The following SIL1 variants were observed in gnomAD, a reference collection of about 807,000 sequenced individuals.
SIL1 encodes nucleotide exchange factor SIL1.
Under a neutral mutation model 49.1 loss-of-function variants are expected in SIL1, and 40 were observed. That is an observed-to-expected ratio of 0.81 (90% CI 0.63 to 1.06). The LOEUF is 1.06. Among genes scored for constraint, SIL1 ranks in the 50% least tolerant of loss-of-function variants. SIL1 has a pLI of 0.00. For missense variants in SIL1, 500 were observed against 572.6 expected (o/e 0.87, Z 1.29); for synonymous variants, 253 against 250.8 (o/e 1.01, Z -0.08).
intron 3 of SIL1, among the ~76,000 whole-genome samples, chr5:139,105,807 A>C (rs948077354): frequency 5.3e-5 from 8 of 152,344 alleles, no homozygotes; most frequent in African/African-American, 1.9e-4. Flanking sequence ...GCACCAGCAA[A>C]CATTACCCCC....
intron 3 of SIL1, among the ~76,000 whole-genome samples, chr5:139,099,691 A>G (rs532489771): frequency 6.6e-6 from 1 of 152,330 alleles, no homozygotes; most frequent in South Asian, 2.1e-4. Context: ...GACAAACATC[A>G]TATGTTCTTA....
At position 138,947,460 on chromosome 5, in the gene SIL1, T is replaced by C; in HGVS notation, c.1043A>G (p.Glu348Gly). ...CATCTCCTGGGTCAGCTCAGCCTCC[T>C]CCTCGGCGAACATCTGCCATCCGCC... ...DLVTEKMFAE[E>G]EAELTQEMSP... is the part of the protein sequence containing the mutation. Residue 348 changes from glutamate (E) to glycine (G), a missense_variant, in exon 10 of 10, where the codon GAG (glutamate) becomes GGG (glycine). By Grantham distance (98) the Glu-to-Gly change is moderately conservative. Transcript: ENST00000394817. This position sits in a 1 kb window ranked among gnomAD's most constrained non-coding sequence, Gnocchi z 4.1. The C allele has an allele frequency of 6.2e-7, 1 of 1,613,232 alleles. No homozygotes were observed. The highest frequency in any genetic ancestry group is 8.5e-7 in the Non-Finnish European group (1 of 1,179,956).
In SIL1 at chr5:139,135,891, C is replaced by A. The variant is rs139630265; in HGVS notation, c.-10-8038G>T. Among the ~76,000 whole-genome samples, 696 of 151,994 alleles carry A rather than the reference C, an allele frequency of 4.6e-3. 2 individuals carry two copies. The highest frequency in any genetic ancestry group is 0.016 in the African/African-American group (669 of 41,436). ...ACCAGCCTGGCCAACATGGCAAAACCCCATCTCTACTAAAAATACAAAAAA... is the reference window on the plus strand; with the variant it reads ...ACCAGCCTGGCCAACATGGCAAAACACCATCTCTACTAAAAATACAAAAAA... On this transcript the variant is annotated intron_variant, in intron 1 of 9. Coordinates refer to ENST00000394817, the MANE Select transcript of SIL1 (RefSeq NM_022464.5).
At chr5:138,967,654 T>C (rs977865369) in intron 7 of SIL1, among the ~76,000 whole-genome samples, 5 of 152,118 alleles carry the variant, frequency 3.3e-5, no homozygotes, top group Non-Finnish European at 7.4e-5. Context: ...AAAGGGACGT[T>C]AGATGTTCAA....
At chr5:139,112,599 C>G (rs1770884344) in intron 3 of SIL1, among the ~76,000 whole-genome samples, 1 of 148,090 alleles carries the variant, frequency 6.8e-6, no homozygotes, top group Non-Finnish European at 1.5e-5. Context: ...TGAGGAGTGT[C>G]TCCGCCCGGC....
rs1157233880 is a variant in SIL1 at position 138,947,240 on chromosome 5, T to C, written c.1263A>G (p.Thr421=). The change falls in exon 10 of 10, where the codon ACA becomes ACG. Residue 421 remains threonine, a synonymous_variant. Transcript: ENST00000394817. The surrounding 1 kb of genome is among the most constrained non-coding windows in gnomAD (Gnocchi z 4.1). The part of the protein sequence containing the change: ...RYRQDPQLGR[T]LASLQAEYQV... Reference sequence around the variant, plus strand: ...GGTACTCAGCCTGCAGGCTGGCCAGTGTCCTGCCGAGCTGGGGGTCCTGAC... The same window carrying C: ...GGTACTCAGCCTGCAGGCTGGCCAGCGTCCTGCCGAGCTGGGGGTCCTGAC... The C allele has an allele frequency of 6.2e-7, 1 of 1,613,390 alleles. No homozygotes were observed. Among genetic ancestry groups the C allele is most frequent in the East Asian group, 2.2e-5 (1 of 44,856 alleles).
chr5:138,969,857 G>A (rs1373937585), intron 7 of SIL1, among the ~76,000 whole-genome samples: 1 of 152,170 alleles, frequency 6.6e-6, no homozygotes, highest in Non-Finnish European at 1.5e-5. Context: ...CAGCTGGCAC[G>A]AGCAGCCTGG....
intron 5 of SIL1, among the ~76,000 whole-genome samples, chr5:139,040,534 T>C (rs1481858527): frequency 6.8e-6 from 1 of 146,880 alleles, no homozygotes; most frequent in Non-Finnish European, 1.5e-5. Context: ...GTTTCTCTCT[T>C]GTCACCCAGG....
At chr5:138,992,411 T>G (rs1265599256) in intron 7 of SIL1, among the ~76,000 whole-genome samples, 1 of 152,202 alleles carries the variant, frequency 6.6e-6, no homozygotes, top group Non-Finnish European at 1.5e-5. Context: ...CCCTCCTCTG[T>G]GAAGCCAAAA....
At chr5:139,023,380 T>C (rs773498547) in intron 6 of SIL1, among the ~76,000 whole-genome samples, 2 of 151,586 alleles carry the variant, frequency 1.3e-5, no homozygotes, top group Non-Finnish European at 1.5e-5. Context: ...GAGGGAACTA[T>C]GCCAACACCC....
chr5:139,053,811 C>T (rs1261088357), intron 3 of SIL1, among the ~76,000 whole-genome samples: 1 of 152,210 alleles, frequency 6.6e-6, no homozygotes, highest in Non-Finnish European at 1.5e-5. Flanking sequence ...CCTCTATTTT[C>T]TCAGACTAGA....
intron 1 of SIL1, among the ~76,000 whole-genome samples, chr5:139,159,135 A>G (rs1751459650): frequency 6.6e-6 from 1 of 151,948 alleles, no homozygotes; most frequent in Non-Finnish European, 1.5e-5. Context: ...CTCCTCATTT[A>G]GCAGCACATG....
chr5:139,092,459 G>A (rs1244895561), intron 3 of SIL1, among the ~76,000 whole-genome samples: 1 of 152,162 alleles, frequency 6.6e-6, no homozygotes, highest in African/African-American at 2.4e-5. Flanking sequence ...CAAAAAGAGG[G>A]GACCCTTGGC....
intron 1 of SIL1, among the ~76,000 whole-genome samples, chr5:139,156,016 A>T (rs1475579921): frequency 6.6e-6 from 1 of 152,124 alleles, no homozygotes; most frequent in East Asian, 1.9e-4. Flanking sequence ...TATTTTCAGT[A>T]GAGACGGGGT....
At chr5:139,023,201 C>T (rs978647479) in intron 6 of SIL1, among the ~76,000 whole-genome samples, 5 of 152,316 alleles carry the variant, frequency 3.3e-5, no homozygotes, top group African/African-American at 1.2e-4. Flanking sequence ...ACGATTCATT[C>T]TGCCCAGTGC....
At chr5:139,068,490 A>T (rs1769755131) in intron 3 of SIL1, among the ~76,000 whole-genome samples, 1 of 152,124 alleles carries the variant, frequency 6.6e-6, no homozygotes, top group Non-Finnish European at 1.5e-5. Context: ...GTGAAATCAA[A>T]ACTGAGTAGA....
intron 7 of SIL1, among the ~76,000 whole-genome samples, chr5:138,967,776 C>A (rs529280894): frequency 4.6e-5 from 7 of 152,192 alleles, no homozygotes; most frequent in African/African-American, 1.7e-4. Flanking sequence ...GCAGCCCCCC[C>A]AGGACTAGAG....
At chr5:139,126,635 C>T (rs1023015100) in intron 2 of SIL1, among the ~76,000 whole-genome samples, 12 of 152,276 alleles carry the variant, frequency 7.9e-5, no homozygotes, top group African/African-American at 2.9e-4. Flanking sequence ...ATAAACAGCA[C>T]CAACAGGATC....
At chr5:138,955,628 CTG>C (rs1766885580) in intron 7 of SIL1, among the ~76,000 whole-genome samples, 1 of 152,218 alleles carries the variant, frequency 6.6e-6, no homozygotes, top group Non-Finnish European at 1.5e-5. Flanking sequence ...CAGGAGATTG[CTG>C]CCCAGCACAC....
Sources: allele counts gnomAD v4.1 joint callset (sites outside exome capture counted in the v4.1 genomes callset), GRCh38; gene constraint gnomAD v4.1.1; non-coding constraint Gnocchi (gnomAD v3.1); transcripts MANE v1.5; gene names NCBI Gene and HGNC (gene_info 2026-07-23, HGNC 2026-07-21).